PTK2: variants seen among roughly 807,000 people sequenced by gnomAD.
The protein encoded by PTK2 is focal adhesion kinase 1.
PTK2 carries 45 observed loss-of-function variants against 150.1 expected under a neutral mutation model. The observed-to-expected ratio is 0.30, with a 90% CI of 0.24 to 0.38. The LOEUF (loss-of-function observed/expected upper bound fraction) is 0.38. Ranked by LOEUF, PTK2 falls within the 10% of genes least tolerant of loss-of-function variation. The probability of loss-of-function intolerance (pLI) is 1.00; values close to 1 mark genes in which losing one functional copy is unlikely to be tolerated. For missense variants in PTK2, 919 were observed against 1,307.3 expected, an observed-to-expected ratio of 0.70 and a Z score of 4.58; for synonymous variants, 432 against 449.2, an observed-to-expected ratio of 0.96 and a Z score of 0.48.
At chr8:140,867,365 A>C (rs1440931464) in intron 4 of PTK2, among the ~76,000 whole-genome samples, 4 of 152,182 alleles carry the variant, frequency 2.6e-5, no homozygotes, top group African/African-American at 4.8e-5. Context: ...GGAATTACAT[A>C]ATCTTCCCTA....
intron 1 of PTK2, among the ~76,000 whole-genome samples, chr8:140,943,796 C>A (rs1014885344): frequency 6.6e-6 from 1 of 152,064 alleles, no homozygotes; most frequent in Admixed American, 6.6e-5. Flanking sequence ...AATGATATCT[C>A]GTGTGGTTGT....
At chr8:140,817,629 G>A (rs1444703282) in intron 10 of PTK2, among the ~76,000 whole-genome samples, 2 of 151,984 alleles carry the variant, frequency 1.3e-5, no homozygotes, top group Non-Finnish European at 2.9e-5. Context: ...TTTATTTTGT[G>A]CACTCAACTA....
In PTK2 at chr8:140,925,646, T is replaced by C. The variant is rs2100169156; in HGVS notation, c.-33+15A>G. The C allele has an allele frequency of 1.0e-6, 1 of 985,190 alleles. No individual in the cohort carries two copies. The highest frequency in any genetic ancestry group is 1.2e-6 in the Non-Finnish European group (1 of 829,708). 61.0% of individuals were successfully genotyped at this position (985,190 alleles called of 1,614,324 possible). Reference sequence around the variant, plus strand: ...TATTCACTTTCTTTGCAAAGTTTCTTAACCATTACTATACCTCCCTTCCGT... The same window carrying C: ...TATTCACTTTCTTTGCAAAGTTTCTCAACCATTACTATACCTCCCTTCCGT... On this transcript the variant is annotated intron_variant, in intron 2 of 31. Transcript: ENST00000522684.
rs114106144 is a variant in PTK2, at chr8:140,736,664, T to C, written c.1826-1209A>G. On this transcript the variant is annotated intron_variant, in intron 21 of 31. Coordinates refer to ENST00000522684, the Ensembl canonical transcript of PTK2. ...ATGGATGTTTTCTCCTAGTGCCTTA[T>C]CATCACTGCTCTGCGCCTGGCTATT... is the stretch of plus-strand genomic sequence containing the variant. Among the ~76,000 whole-genome samples, 983 of 152,324 alleles carry C rather than the reference T, an allele frequency of 6.5e-3. 15 individuals carry two copies. Among genetic ancestry groups the C allele is most frequent in the African/African-American group, 0.02 (839 of 41,570 alleles).
intron 14 of PTK2, among the ~76,000 whole-genome samples, chr8:140,767,942 A>G (rs1358480168): frequency 1.3e-5 from 2 of 152,046 alleles, no homozygotes; most frequent in Non-Finnish European, 2.9e-5. Flanking sequence ...TTAGTGTAAC[A>G]TAGTTTAAGG....
At chr8:140,912,606 TAAAA>T (rs1051989574) in intron 2 of PTK2, among the ~76,000 whole-genome samples, 1 of 150,672 alleles carries the variant, frequency 6.6e-6, no homozygotes, top group African/African-American at 2.4e-5. Flanking sequence ...CTCATAATAA[TAAAA>T]AAAAGAAAAA....
At chr8:140,968,999 C>A (rs2100186278) in intron 1 of PTK2, among the ~76,000 whole-genome samples, 1 of 152,206 alleles carries the variant, frequency 6.6e-6, no homozygotes, top group African/African-American at 2.4e-5. Flanking sequence ...GCGAAGTGAA[C>A]AGCTTCAGGT....
chr8:140,885,651 G>A (rs1430384627), intron 3 of PTK2, among the ~76,000 whole-genome samples: 1 of 152,176 alleles, frequency 6.6e-6, no homozygotes, highest in African/African-American at 2.4e-5. Context: ...CATCCCGTAG[G>A]TCCTTGTAGG....
chr8:140,755,946 T>G (rs555033693), intron 16 of PTK2, among the ~76,000 whole-genome samples: 1 of 152,170 alleles, frequency 6.6e-6, no homozygotes, highest in South Asian at 2.1e-4. Context: ...AATAGAAACT[T>G]AAGAGAAATG....
intron 5 of PTK2, among the ~76,000 whole-genome samples, chr8:140,861,249 T>A (rs1265619700): frequency 6.6e-6 from 1 of 151,458 alleles, no homozygotes. Context: ...CTCAGGAGGC[T>A]GAGGCAGGGC....
intron 3 of PTK2, among the ~76,000 whole-genome samples, chr8:140,885,675 C>G (rs900396427): frequency 6.6e-5 from 10 of 152,114 alleles, no homozygotes; most frequent in Non-Finnish European, 1.2e-4. Flanking sequence ...CAAAAGGAAT[C>G]TGGCTTTTAG....
intron 20 of PTK2, among the ~76,000 whole-genome samples, chr8:140,740,766 C>T (rs868003513): frequency 1.4e-4 from 21 of 152,136 alleles, no homozygotes; most frequent in Admixed American, 3.9e-4. Flanking sequence ...AAGTTGACTT[C>T]GTCTTTTTAA....
chr8:140,998,831 A>C (rs933957741), intron 1 of PTK2, among the ~76,000 whole-genome samples: 4 of 152,100 alleles, frequency 2.6e-5, no homozygotes, highest in Non-Finnish European at 5.9e-5. Context: ...AAAAAAAAAA[A>C]AAAAAACTAT....
intron 2 of PTK2, chr8:140,921,006 TAAG>T: frequency 2.3e-6 from 3 of 1,304,968 alleles, no homozygotes; most frequent in Non-Finnish European, 1.9e-6. Flanking sequence ...CAAGCAAGAC[TAAG>T]GTTCCCCTGT....
At chr8:140,769,189 C>G (rs12547161) in intron 14 of PTK2, among the ~76,000 whole-genome samples, 1 of 152,000 alleles carries the variant, frequency 6.6e-6, no homozygotes, top group Admixed American at 6.6e-5. Context: ...TTCCTTTCTA[C>G]TATCTCATTC....
At chr8:140,954,322 G>T (rs527379365) in intron 1 of PTK2, among the ~76,000 whole-genome samples, 4 of 151,916 alleles carry the variant, frequency 2.6e-5, no homozygotes, top group African/African-American at 9.7e-5. Context: ...CTCCTGTCTC[G>T]GCCTCCCAAA....
chr8:140,747,783 G>A (rs2100060261), intron 17 of PTK2, among the ~76,000 whole-genome samples: 2 of 143,972 alleles, frequency 1.4e-5, no homozygotes, highest in South Asian at 4.7e-4. Context: ...AGGAGGAAGA[G>A]GGGGAGGAAG....
chr8:140,681,861 A>AT (rs1007878727), intron 27 of PTK2, among the ~76,000 whole-genome samples: 1 of 152,216 alleles, frequency 6.6e-6, no homozygotes, highest in Non-Finnish European at 1.5e-5. Context: ...GCTTTAACCT[A>AT]TTTATGCTGG....
chr8:140,710,495 C>G (rs986387436), intron 23 of PTK2, among the ~76,000 whole-genome samples: 3 of 151,934 alleles, frequency 2.0e-5, no homozygotes, highest in African/African-American at 7.3e-5. Context: ...ATGGTGAAAC[C>G]CTGTCTTTAC....
Sources: gnomAD v4.1 joint callset for allele counts (sites outside exome capture counted in the v4.1 genomes callset) on GRCh38, gnomAD v4.1.1 for gene constraint, MANE v1.5 for transcripts, NCBI Gene and HGNC (gene_info 2026-07-23, HGNC 2026-07-21) for gene names.